Variants in NUP35 observed in about 807,000 individuals in gnomAD.
NUP35 encodes nucleoporin NUP35.
NUP35 carries 25 observed loss-of-function variants against 41.5 expected under a neutral mutation model. The ratio of observed to expected loss-of-function variants is 0.60; its 90% CI spans 0.44 to 0.84. The LOEUF (loss-of-function observed/expected upper bound fraction) is 0.84, where lower values mean the gene tolerates loss of function less well. NUP35 is among the 40% of genes least tolerant of loss of function. The pLI is 0.00. For missense variants in NUP35, 396 were observed against 396.6 expected (o/e 1.00, Z 0.01); for synonymous variants, 149 against 130.7 (o/e 1.14, Z -0.96).
chr2:183,153,031 C>T (rs1204455384), intron 5 of NUP35, among the ~76,000 whole-genome samples: 13 of 152,190 alleles, frequency 8.5e-5, no homozygotes, highest in Admixed American at 2.0e-4. Context: ...TCTTACATGA[C>T]GGTGTCAAGA....
At chr2:183,126,642 GTT>G (rs71008267) in intron 1 of NUP35, among the ~76,000 whole-genome samples, 16 of 145,828 alleles carry the variant, frequency 1.1e-4, no homozygotes, top group African/African-American at 3.5e-4. Flanking sequence ...TATTGAATTT[GTT>G]TTTTTTTTTG....
At chr2:183,124,717 T>C (rs1575110005) in intron 1 of NUP35, among the ~76,000 whole-genome samples, 1 of 151,688 alleles carries the variant, frequency 6.6e-6, no homozygotes, top group African/African-American at 2.4e-5. Context: ...CCTGGGAGGG[T>C]GAAGAAAAGG....
chr2:183,149,253 C>A (rs1015101471), intron 4 of NUP35, among the ~76,000 whole-genome samples: 1 of 152,128 alleles, frequency 6.6e-6, no homozygotes, highest in African/African-American at 2.4e-5. Context: ...AATTAAAGAG[C>A]TTTTGTTTAT....
At chr2:183,158,566 C>T (rs935936637) in intron 7 of NUP35, among the ~76,000 whole-genome samples, 155 bp downstream of exon 7, 2 of 151,942 alleles carry the variant, frequency 1.3e-5, no homozygotes, top group Non-Finnish European at 2.9e-5. Context: ...TGTGGTAAGC[C>T]GAAGGTATTT....
chr2:183,117,906 G>A (rs1700010437), intron 1 of NUP35, among the ~76,000 whole-genome samples: 1 of 152,206 alleles, frequency 6.6e-6, no homozygotes, highest in Admixed American at 6.5e-5. Flanking sequence ...GAAGAAAGTT[G>A]AAATATAGCT....
intron 4 of NUP35, among the ~76,000 whole-genome samples, chr2:183,144,261 G>A (rs1191254173): frequency 6.6e-6 from 1 of 152,144 alleles, no homozygotes; most frequent in African/African-American, 2.4e-5. Context: ...CTACCAACTA[G>A]GGAAGCTCAC....
At chr2:183,147,251 C>T (rs2675081) in intron 4 of NUP35, among the ~76,000 whole-genome samples, 16,698 of 152,024 alleles carry the variant, frequency 0.11, 1,158 homozygotes, top group Non-Finnish European at 0.16. Flanking sequence ...TTTGCTTTTG[C>T]GATATGAGTT....
intron 3 of NUP35, chr2:183,131,054 T>C: frequency 3.9e-6 from 2 of 508,380 alleles, no homozygotes; most frequent in Non-Finnish European, 7.1e-6. Context: ...CAGTCATAAC[T>C]CTGCAGCCTT....
chr2:183,149,124 T>A (rs1264549947), intron 4 of NUP35, among the ~76,000 whole-genome samples: 1 of 152,204 alleles, frequency 6.6e-6, no homozygotes, highest in Non-Finnish European at 1.5e-5. Flanking sequence ...AGTTAGAATA[T>A]GTTAAGTAGC....
chr2:183,141,202 T>C (rs1466286426), intron 4 of NUP35, among the ~76,000 whole-genome samples: 2 of 152,072 alleles, frequency 1.3e-5, no homozygotes, highest in Non-Finnish European at 2.9e-5. Context: ...TTCCATTCCC[T>C]GCTTCCATAA....
chr2:183,124,252 G>A (rs1298109126), upstream of NUP35: 3 of 1,330,612 alleles, frequency 2.3e-6, no homozygotes, highest in Non-Finnish European at 2.0e-6. Flanking sequence ...CCACCTTCCC[G>A]GTGCAAAAAC....
chr2:183,133,419 GA>G (rs2105555166), intron 3 of NUP35, 146 bp from the exon 4 acceptor site: 3 of 554,964 alleles, frequency 5.4e-6, no homozygotes, highest in South Asian at 2.5e-5. Context: ...AACTTATGGG[GA>G]AAAAAGAGTG....
At chr2:183,126,045 C>G (rs1375969236) in intron 1 of NUP35, among the ~76,000 whole-genome samples, 3 of 152,074 alleles carry the variant, frequency 2.0e-5, no homozygotes, top group Non-Finnish European at 2.9e-5. Context: ...CTCTCCCTCC[C>G]TCCCTTCCTC....
At chr2:183,146,029 A>G (rs1468476061) in intron 4 of NUP35, among the ~76,000 whole-genome samples, 2 of 152,218 alleles carry the variant, frequency 1.3e-5, no homozygotes, top group Non-Finnish European at 2.9e-5. Context: ...TGAGGTCAGG[A>G]GTTCGAGACC....
At chr2:183,140,035 A>G (rs925998289) in intron 4 of NUP35, among the ~76,000 whole-genome samples, 2 of 152,206 alleles carry the variant, frequency 1.3e-5, no homozygotes, top group Admixed American at 6.5e-5. Context: ...CTTTAATAAT[A>G]CTGAATAAAA....
chr2:183,137,962 C>G (rs1170815746), intron 4 of NUP35, among the ~76,000 whole-genome samples: 1 of 151,606 alleles, frequency 6.6e-6, no homozygotes, highest in Non-Finnish European at 1.5e-5. Context: ...AATATAGTAA[C>G]TTCTGTGAGG....
upstream of NUP35, among the ~76,000 whole-genome samples, chr2:183,123,303 T>C (rs1037385568): frequency 1.3e-5 from 2 of 152,228 alleles, no homozygotes; most frequent in South Asian, 4.1e-4. Context: ...TGACTTTATC[T>C]GAACTTTATT....
rs904269696 is a variant in NUP35 at position 183,151,563 on chromosome 2, T to G, written c.453T>G (p.Ser151=). The G allele has an allele frequency of 6.2e-7, 1 of 1,613,926 alleles. No individual in the cohort carries two copies. The highest frequency in any genetic ancestry group is 1.3e-5 in the African/African-American group (1 of 74,928). ...GTCAGCCACGAAAGACGACATTATC[T>G]CCTGCCCAGTTGGATCCTTTTTATA... ...SIGQPRKTTL[S]PAQLDPFYTQ... is the part of the protein sequence containing the mutation. The change falls in exon 5 of 9, where the codon TCT becomes TCG. Residue 151 remains serine, a synonymous_variant. Coordinates refer to ENST00000295119, the MANE Select transcript of NUP35 (RefSeq NM_138285.5).
intron 3 of NUP35, chr2:183,131,041 G>A (rs1224723984): frequency 3.6e-6 from 2 of 558,798 alleles, no homozygotes; most frequent in Non-Finnish European, 6.1e-6. Context: ...GAGTGCAGCG[G>A]CACAGTCATA....
Sources: gnomAD v4.1 joint callset for allele counts (sites outside exome capture counted in the v4.1 genomes callset) on GRCh38, gnomAD v4.1.1 for gene constraint, MANE v1.5 for transcripts, NCBI Gene and HGNC (gene_info 2026-07-23, HGNC 2026-07-21) for gene names.